The following BEGAIN variants were observed in gnomAD, a reference collection of about 807,000 sequenced individuals.
BEGAIN encodes the protein brain-enriched guanylate kinase-associated protein.
A neutral mutation model predicts 35.8 loss-of-function variants in BEGAIN; 19 were observed. The observed-to-expected ratio is 0.53, with a 90% CI of 0.37 to 0.78. The LOEUF (loss-of-function observed/expected upper bound fraction) is 0.78. Ranked by LOEUF, BEGAIN falls within the 30% of genes least tolerant of loss-of-function variation. BEGAIN has a pLI of 0.00. For missense variants in BEGAIN, 795 were observed against 853.6 expected, an observed-to-expected ratio of 0.93 and a Z score of 0.85; for synonymous variants, 462 against 388.6, an observed-to-expected ratio of 1.19 and a Z score of -2.22.
intron 1 of BEGAIN, among the ~76,000 whole-genome samples, chr14:100,580,794 G>A (rs900708645): frequency 2.0e-5 from 3 of 152,202 alleles, no homozygotes; most frequent in Non-Finnish European, 4.4e-5. Context: ...GGTGCTCAAT[G>A]CGTAGTTCTT....
At chr14:100,579,780 C>T (rs886912530) in intron 1 of BEGAIN, among the ~76,000 whole-genome samples, 2 of 152,182 alleles carry the variant, frequency 1.3e-5, no homozygotes, top group South Asian at 4.1e-4. Context: ...GAACAGGGGC[C>T]GCTTCAACTC....
chr14:100,583,621 T>A (rs1325222759), intron 1 of BEGAIN, among the ~76,000 whole-genome samples: 1 of 150,622 alleles, frequency 6.6e-6, no homozygotes, highest in Non-Finnish European at 1.5e-5. Context: ...CGTCCATCTA[T>A]CCCTCTTTCT....
chr14:100,557,181 A>G (rs12895023), intron 2 of BEGAIN, among the ~76,000 whole-genome samples: 27,188 of 150,228 alleles, frequency 0.18, 3,278 homozygotes, highest in East Asian at 0.55. Context: ...CAGGCCCCCA[A>G]TCCCAGCGCG....
Position 100,567,863 on chromosome 14 carries a change from C to A in BEGAIN, c.71+48G>T. The A allele has an allele frequency of 6.9e-7, 1 of 1,459,606 alleles. No individual in the cohort carries two copies. Among genetic ancestry groups the A allele is most frequent in the Non-Finnish European group, 9.1e-7 (1 of 1,096,348 alleles). The allele number at this position is 1,459,606 out of a possible 1,614,324, so 90.4% of individuals were successfully genotyped here. ...CCCCCGCCTTCCCCAGCGCCCTCAC[C>A]CCCGACCCGGCCCCCGCGAGCCGCG... On this transcript the variant is annotated intron_variant, in intron 2 of 6. Transcript: ENST00000554140. This position sits in a 1 kb window ranked among gnomAD's most constrained non-coding sequence, Gnocchi z 5.1.
intron 6 of BEGAIN, among the ~76,000 whole-genome samples, chr14:100,539,780 G>A (rs73351095): frequency 6.6e-6 from 1 of 152,092 alleles, no homozygotes; most frequent in Non-Finnish European, 1.5e-5. Flanking sequence ...CTGCTGGAGC[G>A]CTCCTGAAGA....
intron 2 of BEGAIN, among the ~76,000 whole-genome samples, chr14:100,554,732 C>G: frequency 6.6e-6 from 1 of 152,250 alleles, no homozygotes; most frequent in Middle Eastern, 3.4e-3. Context: ...TAGTTCCCCC[C>G]AGATGGCTCA....
In BEGAIN at chr14:100,568,844, C is replaced by T; in HGVS notation, c.43-905G>A. 3 of 986,386 alleles carry T rather than the reference C, an allele frequency of 3.0e-6. No homozygotes were observed. The highest frequency in any genetic ancestry group is 3.6e-6 in the Non-Finnish European group (3 of 830,790). The allele number at this position is 986,386 out of a possible 1,614,324, so 61.1% of individuals were successfully genotyped here. A position where few individuals can be genotyped will look rare whatever the true frequency, so the allele number is the denominator to read the frequency against. On this transcript the variant is annotated intron_variant, in intron 1 of 6. Coordinates refer to ENST00000554140, the MANE Select transcript of BEGAIN (RefSeq NM_001385089.1). This position sits in a 1 kb window ranked among gnomAD's most constrained non-coding sequence, Gnocchi z 7.5. ...CGGGGCTTTGCCCGTCTTTCTGTGCCGTGACTGGCACTCAAGGGGGACAGG... is the reference window on the plus strand; with the variant it reads ...CGGGGCTTTGCCCGTCTTTCTGTGCTGTGACTGGCACTCAAGGGGGACAGG...
Position 100,538,091 on chromosome 14 carries a change from G to A in BEGAIN, c.1717C>T (p.Pro573Ser), listed in dbSNP as rs1253366609. 1 of 1,585,702 alleles carries A rather than the reference G, an allele frequency of 6.3e-7. No homozygotes were observed. Among genetic ancestry groups the A allele is most frequent in the South Asian group, 1.1e-5 (1 of 87,128 alleles). ...AGGCGGGCGGCAGGATGCATTTCCG[G>A]GGAGGCCTCCATGGAGCTCGGCTCC... ...SLEPSSMEASPEMHPAARLSP... is the reference protein window; with the variant it reads ...SLEPSSMEASSEMHPAARLSP... The change falls in exon 7 of 7, where the codon CCG (proline) becomes TCG (serine). Residue 573 changes from proline (P) to serine (S), a missense_variant. Around this residue, in one of 3 missense-constraint regions of BEGAIN, gnomAD observed 664 missense variants for 647.7 expected, o/e 1.03. Transcript: ENST00000554140.
chr14:100,572,631 T>TG (rs891084392), intron 1 of BEGAIN, among the ~76,000 whole-genome samples: 5 of 152,146 alleles, frequency 3.3e-5, no homozygotes, highest in African/African-American at 7.2e-5. Flanking sequence ...AGATGAGCCC[T>TG]GGGGGGTTGG....
intron 1 of BEGAIN, among the ~76,000 whole-genome samples, chr14:100,579,394 C>T (rs544987450): frequency 1.5e-4 from 23 of 152,300 alleles, no homozygotes; most frequent in African/African-American, 5.1e-4. Context: ...TAGAGCCAGA[C>T]CTGGACCCTC....
chr14:100,556,458 C>T (rs1192924116), intron 2 of BEGAIN, among the ~76,000 whole-genome samples: 1 of 152,170 alleles, frequency 6.6e-6, no homozygotes, highest in Non-Finnish European at 1.5e-5. Flanking sequence ...CGGGCCAACC[C>T]AGGCAGGGAG....
At chr14:100,557,003 C>T (rs2033789851) in intron 2 of BEGAIN, among the ~76,000 whole-genome samples, 1 of 152,204 alleles carries the variant, frequency 6.6e-6, no homozygotes, top group Non-Finnish European at 1.5e-5. Context: ...GCTGAAAGCA[C>T]CACACACGAG....
chr14:100,546,776 G>GCACA lies in BEGAIN; in HGVS notation c.72-115_72-114insTGTG, dbSNP rs1389719323. 2,155 of 677,858 alleles carry GCACA rather than the reference G, an allele frequency of 3.2e-3. 37 individuals carry two copies. In the African/African-American group the frequency reaches 0.046, roughly 14 times the overall value. The allele number at this position is 677,858 out of a possible 1,614,324, so 42.0% of individuals were successfully genotyped here. A position where few individuals can be genotyped will look rare whatever the true frequency, so the allele number is the denominator to read the frequency against. On this transcript the variant is annotated intron_variant, in intron 2 of 6. Transcript: ENST00000554140. ...CACGCGAGTACCGGCGCGCGCGCGC[G>GCACA]CGCGCACACACACACACACACACAC... is the stretch of plus-strand genomic sequence containing the variant.
Position 100,557,961 on chromosome 14 carries a change from G to A in BEGAIN, c.71+9950C>T, listed in dbSNP as rs937155779. On this transcript the variant is annotated intron_variant, in intron 2 of 6. Coordinates refer to ENST00000554140, the MANE Select transcript of BEGAIN (RefSeq NM_001385089.1). ...AGCATCTGCCCCGACACCCGGTGCC[G>A]CCCACCGTTACTTACAGACCAACCA... 3.3e-5 allele frequency among the ~76,000 whole-genome samples: 5 copies of A among 152,026 alleles called. No individual in the cohort carries two copies. The South Asian group carries it at 8.3e-4, about 25-fold the overall frequency.
At position 100,540,638 on chromosome 14, in the gene BEGAIN, G is replaced by T. The variant is rs2031466661; in HGVS notation, c.409-59C>A. On this transcript the variant is annotated intron_variant, in intron 5 of 6. Transcript: ENST00000554140. ...ACCCCAGCCAAGGCCCCGCCGCCCT[G>T]ACCAGCGCCAAGTGGCCAGCGGGGG... The T allele has an allele frequency of 3.6e-6, 5 of 1,375,636 alleles. No homozygotes were observed. In the South Asian group the frequency reaches 5.0e-5, roughly 14 times the overall value. The allele number at this position is 1,375,636 out of a possible 1,614,324, so 85.2% of individuals were successfully genotyped here.
chr14:100,584,057 C>T (rs1025549442), intron 1 of BEGAIN, among the ~76,000 whole-genome samples: 2 of 152,164 alleles, frequency 1.3e-5, no homozygotes, highest in African/African-American at 4.8e-5. Flanking sequence ...GCTTCCCTTC[C>T]ATACAGTATC....
chr14:100,577,474 G>A (rs1289469650), intron 1 of BEGAIN: 1 of 399,436 alleles, frequency 2.5e-6, no homozygotes, highest in Non-Finnish European at 4.4e-6. Context: ...CTTCTCCCCT[G>A]GGGCTGCAGC....
chr14:100,546,333 TGCCCCACCCCGGCCCTC>T (rs1341862692), intron 3 of BEGAIN, 151 bp downstream of exon 3: 5 of 490,094 alleles, frequency 1.0e-5, no homozygotes, highest in African/African-American at 5.7e-5. Context: ...CCTCGGGCCC[TGCCCCACCCCGGCCCTC>T]GCCCCGCCCC....
intron 2 of BEGAIN, 91 bp from the exon 3 acceptor site, chr14:100,546,753 C>CG: frequency 1.5e-6 from 2 of 1,300,814 alleles, no homozygotes; most frequent in African/African-American, 3.2e-5. Context: ...CGCACTAACA[C>CG]GCGAGTACCG....
Sources: gnomAD v4.1 joint callset for allele counts (sites outside exome capture counted in the v4.1 genomes callset) on GRCh38, gnomAD v4.1.1 for gene constraint, gnomAD v4.1.1 regional missense constraint, Gnocchi (gnomAD v3.1) non-coding constraint, MANE v1.5 for transcripts, NCBI Gene and HGNC (gene_info 2026-07-23, HGNC 2026-07-21) for gene names.